Variants in KIF1B observed in about 807,000 individuals in gnomAD.
KIF1B encodes kinesin-like protein KIF1B.
In KIF1B, 76 loss-of-function variants were observed where a neutral mutation model predicts 241.9. The observed-to-expected ratio is 0.31, with a 90% CI of 0.26 to 0.38. KIF1B has a LOEUF of 0.38. Ranked by LOEUF, KIF1B falls within the 10% of genes least tolerant of loss-of-function variation. The pLI, the probability that KIF1B is intolerant of heterozygous loss-of-function variation, is 1.00. For missense variants in KIF1B, 1,622 were observed against 2,271.4 expected (o/e 0.71, Z 5.81); for synonymous variants, 750 against 796.7 (o/e 0.94, Z 0.99).
rs1650231647 is a variant in KIF1B at position 10,295,762 on chromosome 1, G to A, written c.1773G>A (p.Gly591=). The stretch of plus-strand genomic sequence containing the variant: ...TCCGGAGTGAGAGAAGCAACAGCGG[G>A]GAAGGTGAGCATTCCTGGCTGGAGC... ...CIFRSERSNS[G]EVIVTLEPCE... is the part of the protein sequence containing the mutation. Residue 591 remains glycine, a synonymous_variant, in exon 19 of 49, where the codon GGG becomes GGA. Transcript: ENST00000676179. The A allele has an allele frequency of 1.2e-6, 2 of 1,612,732 alleles. No homozygotes were observed. Among genetic ancestry groups the A allele is most frequent in the Non-Finnish European group, 1.7e-6 (2 of 1,179,026 alleles).
intron 1 of KIF1B, among the ~76,000 whole-genome samples, chr1:10,216,690 A>G (rs1286351252): frequency 6.6e-6 from 1 of 152,046 alleles, no homozygotes; most frequent in Non-Finnish European, 1.5e-5. Context: ...TGCTATTATA[A>G]AATCTGGACC....
chr1:10,283,860 G>A (rs940871244), intron 15 of KIF1B, among the ~76,000 whole-genome samples: 19 of 152,176 alleles, frequency 1.2e-4, no homozygotes, highest in Non-Finnish European at 1.5e-4. Flanking sequence ...ATTCATGCAA[G>A]GACGATAGAG....
intron 1 of KIF1B, among the ~76,000 whole-genome samples, chr1:10,215,609 A>G (rs1395240563): frequency 6.6e-6 from 1 of 151,986 alleles, no homozygotes; most frequent in East Asian, 1.9e-4. Context: ...GCAGTGGCGC[A>G]GTCATGGCTC....
chr1:10,232,478 TTTC>T (rs750150540), intron 2 of KIF1B, 44 bp downstream of exon 2: 3 of 1,370,942 alleles, frequency 2.2e-6, no homozygotes, highest in African/African-American at 2.8e-5. Context: ...CTTACTTTCC[TTTC>T]TTCTTTCCCT....
intron 22 of KIF1B, among the ~76,000 whole-genome samples, chr1:10,319,556 A>G (rs1295584619): frequency 6.6e-6 from 1 of 152,186 alleles, no homozygotes; most frequent in Non-Finnish European, 1.5e-5. Context: ...ATTTTTCACA[A>G]AGAGGAAGCA....
intron 2 of KIF1B, among the ~76,000 whole-genome samples, chr1:10,234,197 C>T (rs990032084): frequency 2.0e-5 from 3 of 151,714 alleles, no homozygotes; most frequent in African/African-American, 7.3e-5. Context: ...ACCATGGGAC[C>T]CTGCCCTTAA....
intron 22 of KIF1B, chr1:10,306,928 C>T (rs1195300339): frequency 9.6e-7 from 1 of 1,046,490 alleles, no homozygotes; most frequent in Non-Finnish European, 1.2e-6. Flanking sequence ...TTACTCTCCA[C>T]TGGTGATTAG....
intron 2 of KIF1B, among the ~76,000 whole-genome samples, chr1:10,253,119 C>A (rs1647560949): frequency 6.6e-6 from 1 of 152,158 alleles, no homozygotes; most frequent in Admixed American, 6.6e-5. Flanking sequence ...AAAATGCCTT[C>A]CTGCCTTTAG....
intron 10 of KIF1B, among the ~76,000 whole-genome samples, 165 bp downstream of exon 10, chr1:10,273,196 A>T (rs1569658135): frequency 6.6e-6 from 1 of 152,210 alleles, no homozygotes; most frequent in East Asian, 1.9e-4. Context: ...GTGACCACAA[A>T]TCATGAGGTT....
intron 2 of KIF1B, among the ~76,000 whole-genome samples, chr1:10,250,384 G>C (rs977558408): frequency 3.3e-5 from 5 of 151,320 alleles, no homozygotes; most frequent in Admixed American, 1.3e-4. Flanking sequence ...TGTTGCCCAG[G>C]GTGGGGTGCA....
rs1196543893 is a variant in KIF1B at position 10,368,357 on chromosome 1, GC to G, written c.4753-107del. 4 of 824,678 alleles carry G rather than the reference GC, an allele frequency of 4.9e-6. No individual in the cohort carries two copies. The East Asian group carries it at 9.8e-5, about 20-fold the overall frequency. The allele number at this position is 824,678 out of a possible 1,614,324, so 51.1% of individuals were successfully genotyped here. ...GGGAGAGGAGATGTGGAGCTTCCAT[GC>G]CCTCCCCGGGAACTCAGCCCTTCAG... On this transcript the variant is annotated intron_variant, in intron 43 of 48. Coordinates refer to ENST00000676179, the MANE Select transcript of KIF1B (RefSeq NM_001365951.3).
rs999380655 is a variant in KIF1B at position 10,372,002 on chromosome 1, G to A, written c.4946+740G>A. ...GATTCATCATCATAATCCGTTCTTT[G>A]CAACACACCCTCTTGTGCATCTCCA... On this transcript the variant is annotated intron_variant, in intron 45 of 48. Coordinates refer to ENST00000676179, the MANE Select transcript of KIF1B (RefSeq NM_001365951.3). Among the ~76,000 whole-genome samples the A allele has an allele frequency of 3.3e-5, 5 of 152,182 alleles. No individual in the cohort carries two copies. In the East Asian group the frequency reaches 9.7e-4, roughly 29 times the overall value.
chr1:10,275,982 T>C (rs1238213173), intron 11 of KIF1B, among the ~76,000 whole-genome samples: 1 of 151,746 alleles, frequency 6.6e-6, no homozygotes, highest in Non-Finnish European at 1.5e-5. Context: ...CTTGGCTCAC[T>C]GCAGCCTCCG....
rs754121148 is a variant in KIF1B at position 10,337,085 on chromosome 1, G to A, written c.3141G>A (p.Ser1047=). The A allele has an allele frequency of 6.8e-6, 11 of 1,613,778 alleles. No homozygotes were observed. The highest frequency in any genetic ancestry group is 2.2e-5 in the East Asian group (1 of 44,878). The change falls in exon 30 of 49, where the codon TCG becomes TCA. Residue 1047 remains serine (S), a synonymous_variant. Transcript: ENST00000676179. This position sits in a 1 kb window ranked among gnomAD's most constrained non-coding sequence, Gnocchi z 4.0. ...DNEYFNQSDF[S]SVAMTRSGLS... is the part of the protein sequence containing the mutation. ...TGCCTTTTTTTCAGAGTGACTTTTC[G>A]TCTGTTGCAATGACTCGTTCTGGTC... is the stretch of plus-strand genomic sequence containing the variant.
At chr1:10,355,457 ATGT>A (rs1652942937) in intron 38 of KIF1B, 1 of 152,452 alleles carries the variant, frequency 6.6e-6, no homozygotes, top group Non-Finnish European at 1.5e-5. Context: ...TTTCTGTCTT[ATGT>A]TGCTTTGCCA....
rs1569930215 is a variant in KIF1B at position 10,374,253 on chromosome 1, G to T, written c.4947-63G>T. ...GTTCCTCCCAGTGAAACAGTACTCA[G>T]TATGCCTTGATTGTAACTGATTCTC... On this transcript the variant is annotated intron_variant, in intron 45 of 48. Transcript: ENST00000676179. The surrounding 1 kb of genome is among the most constrained non-coding windows in gnomAD (Gnocchi z 4.3). The T allele has an allele frequency of 6.5e-7, 1 of 1,543,912 alleles. No homozygotes were observed. The highest frequency in any genetic ancestry group is 9.0e-7 in the Non-Finnish European group (1 of 1,116,490).
chr1:10,244,782 T>C (rs1023934566), intron 2 of KIF1B, among the ~76,000 whole-genome samples: 9 of 151,806 alleles, frequency 5.9e-5, no homozygotes, highest in Non-Finnish European at 1.2e-4. Context: ...CTGGCTAATT[T>C]TTTGTATTTT....
At chr1:10,291,908 A>G in intron 16 of KIF1B, 139 bp from the exon 17 acceptor site, 1 of 711,444 alleles carries the variant, frequency 1.4e-6, no homozygotes, top group South Asian at 1.6e-5. Flanking sequence ...TGAGATAAGC[A>G]CATTATTTTA....
intron 27 of KIF1B, among the ~76,000 whole-genome samples, chr1:10,327,921 C>T (rs1651783230): frequency 6.6e-6 from 1 of 152,172 alleles, no homozygotes; most frequent in African/African-American, 2.4e-5. Context: ...TAAAATTTAT[C>T]TCACCAGGTG....
Sources: allele counts gnomAD v4.1 joint callset (sites outside exome capture counted in the v4.1 genomes callset), GRCh38; gene constraint gnomAD v4.1.1; non-coding constraint Gnocchi (gnomAD v3.1); transcripts MANE v1.5; gene names NCBI Gene and HGNC (gene_info 2026-07-23, HGNC 2026-07-21).